Variants in EML1 observed in about 807,000 individuals in gnomAD.
EML1 encodes the protein EMAP like 1.
In EML1, 27 loss-of-function variants were observed where a neutral mutation model predicts 110.4. The ratio of observed to expected loss-of-function variants is 0.24; its 90% CI spans 0.18 to 0.34. The LOEUF (loss-of-function observed/expected upper bound fraction) is 0.34. Among genes scored for constraint, EML1 ranks in the 10% least tolerant of loss-of-function variants. The pLI, the probability that EML1 is intolerant of heterozygous loss-of-function variation, is 1.00. For missense variants in EML1, 741 were observed against 1,030.9 expected (o/e 0.72, Z 3.85); for synonymous variants, 344 against 385.8 (o/e 0.89, Z 1.27).
intron 1 of EML1, among the ~76,000 whole-genome samples, chr14:99,749,907 G>A (rs2057156053): frequency 6.6e-6 from 1 of 152,226 alleles, no homozygotes; most frequent in Non-Finnish European, 1.5e-5. Flanking sequence ...TCTGCCCCTT[G>A]GCTGCTCCCC....
At chr14:99,766,613 T>G (rs985795547) in intron 1 of EML1, among the ~76,000 whole-genome samples, 4 of 152,212 alleles carry the variant, frequency 2.6e-5, no homozygotes, top group Non-Finnish European at 5.9e-5. Context: ...CCAGCATTAG[T>G]TAATGTCAAA....
At chr14:99,796,490 C>CT (rs60618425) in intron 1 of EML1, among the ~76,000 whole-genome samples, 6,456 of 136,832 alleles carry the variant, frequency 0.047, 180 homozygotes, top group Non-Finnish European at 0.068. Context: ...AAATCACAAG[C>CT]TTTTTTTTTT....
In EML1 at chr14:99,901,007, C is replaced by A; in HGVS notation, c.976C>A (p.Arg326=). Reference sequence around the variant, plus strand: ...CGTCATTGGAATAGGTTTTTTTGACCGAGCAGTCACCTGTATTGCATTCTC... The same window carrying A: ...CGTCATTGGAATAGGTTTTTTTGACAGAGCAGTCACCTGTATTGCATTCTC... ...LHVIGIGFFD[R]AVTCIAFSKS... The change falls in exon 9 of 22, where the codon CGA becomes AGA. Residue 326 remains arginine, a synonymous_variant. Coordinates refer to ENST00000262233, the MANE Select transcript of EML1 (RefSeq NM_004434.3). The A allele has an allele frequency of 6.2e-7, 1 of 1,614,034 alleles. No homozygotes were observed. The highest frequency in any genetic ancestry group is 8.5e-7 in the Non-Finnish European group (1 of 1,179,986).
At chr14:99,844,476 CAAAA>C (rs71113228) in intron 1 of EML1, among the ~76,000 whole-genome samples, 46,360 of 136,394 alleles carry the variant, frequency 0.34, 7,953 homozygotes, top group South Asian at 0.48. Flanking sequence ...GAGACTTTGT[CAAAA>C]AAAAAAAAAA....
At chr14:99,748,470 T>C (rs1482067590) in intron 1 of EML1, among the ~76,000 whole-genome samples, 3 of 151,994 alleles carry the variant, frequency 2.0e-5, no homozygotes, top group Admixed American at 1.3e-4. Context: ...AGATGTATTA[T>C]ATAATTCACA....
intron 2 of EML1, among the ~76,000 whole-genome samples, chr14:99,853,815 A>T (rs1185721148): frequency 6.6e-6 from 1 of 152,038 alleles, no homozygotes; most frequent in East Asian, 1.9e-4. Flanking sequence ...GACTACAGGC[A>T]CACGCCACCA....
In EML1 at chr14:99,781,385, C is replaced by T. The variant is rs895417678; in HGVS notation, c.-27+7372C>T. ...TCACTGCCAAGGCCATGCCCTCCCC[C>T]TGCACTCACTTCCTGATTCCTACAC... On this transcript the variant is annotated intron_variant, in intron 1 of 22. Transcript: ENST00000327921. The surrounding 1 kb of genome is among the most constrained non-coding windows in gnomAD (Gnocchi z 4.2). 5.3e-5 allele frequency among the ~76,000 whole-genome samples: 8 copies of T among 152,302 alleles called. No homozygotes were observed. The highest frequency in any genetic ancestry group is 4.6e-4 in the Admixed American group (7 of 15,296).
rs74694293 is a variant in EML1 at position 99,767,123 on chromosome 14, C to T, written c.28+29263C>T. On this transcript the variant is annotated intron_variant, in intron 1 of 10. Coordinates refer to the EML1 transcript ENST00000554479. ...GGGATTACTTCTTATTTCACGGAAA[C>T]GAGATTTGACTTCTGCTAAAAAGTG... Among the ~76,000 whole-genome samples the T allele has an allele frequency of 6.4e-3, 970 of 152,304 alleles. 6 individuals are homozygous for T. Among genetic ancestry groups the T allele is most frequent in the African/African-American group, 0.022 (923 of 41,558 alleles).
At position 99,939,467 on chromosome 14, in the gene EML1, C is replaced by T. The variant is rs1053537277; in HGVS notation, c.2322+140C>T. 3.6e-6 allele frequency: 5 copies of T among 1,373,206 alleles called. No homozygotes were observed. In the African/African-American group the frequency reaches 4.3e-5, roughly 12 times the overall value. The allele number at this position is 1,373,206 out of a possible 1,614,324, so 85.1% of individuals were successfully genotyped here. ...CAGATGTGACTCTGTTCTTTGCGCC[C>T]TGAGCACTTCCAGCCGCCCTTAGGG... On this transcript the variant is annotated intron_variant, in intron 21 of 21. Transcript: ENST00000262233. The surrounding 1 kb of genome is among the most constrained non-coding windows in gnomAD (Gnocchi z 4.2).
At position 99,912,867 on chromosome 14, in the gene EML1, A is replaced by T. The variant is rs2059967891; in HGVS notation, c.1494+1291A>T. Among the ~76,000 whole-genome samples the T allele has an allele frequency of 2.6e-5, 4 of 152,242 alleles. 1 individual carries two copies. The South Asian group carries it at 8.3e-4, about 32-fold the overall frequency. The stretch of plus-strand genomic sequence containing the variant: ...TGATTCTTCCTCATTAGCATGGGTC[A>T]TCATCAACTTGACTCAAATCTGTGC... On this transcript the variant is annotated intron_variant, in intron 13 of 21. Transcript: ENST00000262233.
At chr14:99,819,493 A>G (rs987202127) in intron 1 of EML1, among the ~76,000 whole-genome samples, 3 of 152,126 alleles carry the variant, frequency 2.0e-5, no homozygotes, top group Admixed American at 2.0e-4. Context: ...TTCTTTCTCT[A>G]TACGAATAAG....
rs56351381 is a variant in EML1, at chr14:99,834,994, A to ATT, written c.68-15852_68-15851dup. Among the ~76,000 whole-genome samples the ATT allele has an allele frequency of 1.3e-3, 190 of 151,356 alleles. 1 individual carries two copies. Among genetic ancestry groups the ATT allele is most frequent in the East Asian group, 9.8e-4 (5 of 5,100 alleles). The stretch of plus-strand genomic sequence containing the variant: ...ACCACCATACCCAGCTAATTTTTGT[A>ATT]TTTTTTTTGTAGAGATGGGGTTTTC... On this transcript the variant is annotated intron_variant, in intron 1 of 21. Transcript: ENST00000262233.
intron 1 of EML1, among the ~76,000 whole-genome samples, chr14:99,845,915 T>A: frequency 6.6e-6 from 1 of 151,872 alleles, no homozygotes; most frequent in African/African-American, 2.4e-5. Flanking sequence ...CCGGCGTTGG[T>A]GGCAGGTGCC....
chr14:99,839,394 C>T (rs2058597526), intron 1 of EML1, among the ~76,000 whole-genome samples: 1 of 152,158 alleles, frequency 6.6e-6, no homozygotes. Context: ...AGACTGAGTG[C>T]CCTTGGATTG....
intron 1 of EML1, among the ~76,000 whole-genome samples, chr14:99,748,384 G>C (rs34249002): frequency 6.6e-6 from 1 of 152,116 alleles, no homozygotes; most frequent in Non-Finnish European, 1.5e-5. Context: ...CAAGGCTGCA[G>C]CTTTATAGAA....
chr14:99,930,152 G>C (rs762519184), intron 17 of EML1, among the ~76,000 whole-genome samples: 2 of 152,244 alleles, frequency 1.3e-5, no homozygotes, highest in Admixed American at 6.5e-5. Context: ...TGCAAATCAA[G>C]GTTCAAGGTT....
chr14:99,863,303 AGTGAG>A (rs1347700343), intron 2 of EML1, among the ~76,000 whole-genome samples: 1 of 152,188 alleles, frequency 6.6e-6, no homozygotes, highest in African/African-American at 2.4e-5. Flanking sequence ...CACTACCTTC[AGTGAG>A]GTTGTCATAT....
chr14:99,858,205 CAG>C (rs2058938989), intron 2 of EML1, among the ~76,000 whole-genome samples: 1 of 143,482 alleles, frequency 7.0e-6, no homozygotes, highest in Non-Finnish European at 1.5e-5. Context: ...TTTTTTTAGG[CAG>C]AGTTTTTGCT....
At chr14:99,874,716 A>T (rs191951236) in intron 3 of EML1, among the ~76,000 whole-genome samples, 2,604 of 152,330 alleles carry the variant, frequency 0.017, 42 homozygotes, top group Non-Finnish European at 0.025. Context: ...AGATTTTTTT[A>T]AAAAGTTTAA....
Sources: gnomAD v4.1 joint callset for allele counts (sites outside exome capture counted in the v4.1 genomes callset) on GRCh38, gnomAD v4.1.1 for gene constraint, Gnocchi (gnomAD v3.1) non-coding constraint, MANE v1.5 for transcripts, NCBI Gene and HGNC (gene_info 2026-07-23, HGNC 2026-07-21) for gene names.